TMEM74: variants seen among roughly 807,000 people sequenced by gnomAD.
TMEM74 encodes the protein transmembrane protein 74.
TMEM74 carries 13 observed loss-of-function variants against 18.1 expected under a neutral mutation model. The ratio of observed to expected loss-of-function variants is 0.72; its 90% CI spans 0.47 to 1.14. The LOEUF (loss-of-function observed/expected upper bound fraction) is 1.14. TMEM74 is among the 50% of genes most tolerant of loss of function. The probability of loss-of-function intolerance (pLI) is 0.00; values close to 1 mark genes in which losing one functional copy is unlikely to be tolerated. For missense variants in TMEM74, 372 were observed against 375.9 expected (o/e 0.99, Z 0.09); for synonymous variants, 159 against 146.6 (o/e 1.08, Z -0.61).
chr8:108,662,853 C>A (rs1229164321), intron 1 of TMEM74, among the ~76,000 whole-genome samples: 1 of 152,118 alleles, frequency 6.6e-6, no homozygotes, highest in Non-Finnish European at 1.5e-5. Flanking sequence ...TGGTGCCCTA[C>A]TTCTGTGTTC....
chr8:108,639,042 G>A (rs910625132), intron 2 of TMEM74, among the ~76,000 whole-genome samples: 2 of 152,086 alleles, frequency 1.3e-5, no homozygotes, highest in African/African-American at 4.8e-5. Flanking sequence ...ATGTGGAAAG[G>A]AGCCAAGATA....
intron 2 of TMEM74, among the ~76,000 whole-genome samples, chr8:108,640,055 C>T (rs889171480): frequency 1.1e-4 from 16 of 150,286 alleles, no homozygotes; most frequent in African/African-American, 2.4e-4. Context: ...CTGTCTCATT[C>T]GTAACCCCCT....
chr8:108,750,212 C>T (rs1455472499), intron 1 of TMEM74, among the ~76,000 whole-genome samples: 1 of 152,148 alleles, frequency 6.6e-6, no homozygotes, highest in Admixed American at 6.5e-5. Flanking sequence ...TCTGAACATT[C>T]CACAGTAAAG....
intron 1 of TMEM74, among the ~76,000 whole-genome samples, chr8:108,663,525 A>G (rs1414531639): frequency 1.3e-5 from 2 of 152,176 alleles, no homozygotes; most frequent in Non-Finnish European, 2.9e-5. Flanking sequence ...AATGTAAATT[A>G]ATTTAACCAT....
chr8:108,708,328 G>C (rs757640299), intron 1 of TMEM74, among the ~76,000 whole-genome samples: 18 of 150,422 alleles, frequency 1.2e-4, no homozygotes, highest in Non-Finnish European at 2.2e-4. Context: ...ATTGTGAATA[G>C]TGCTGCAACG....
intron 1 of TMEM74, among the ~76,000 whole-genome samples, chr8:108,715,491 A>G (rs1813514462): frequency 6.6e-6 from 1 of 152,154 alleles, no homozygotes; most frequent in African/African-American, 2.4e-5. Flanking sequence ...GAAACAGTGA[A>G]TCATCATTTA....
At chr8:108,748,752 A>C (rs1409686579) in intron 1 of TMEM74, among the ~76,000 whole-genome samples, 1 of 149,818 alleles carries the variant, frequency 6.7e-6, no homozygotes, top group East Asian at 2.0e-4. Flanking sequence ...TCTTTAATCC[A>C]TCTTGAGTTG....
At chr8:108,684,259 G>A (rs963656836) in intron 1 of TMEM74, among the ~76,000 whole-genome samples, 4 of 152,066 alleles carry the variant, frequency 2.6e-5, no homozygotes, top group Admixed American at 2.6e-4. Context: ...ATCCTTGCCA[G>A]CATTTGATAT....
At chr8:108,769,796 A>G (rs1173588234) in intron 1 of TMEM74, among the ~76,000 whole-genome samples, 1 of 152,078 alleles carries the variant, frequency 6.6e-6, no homozygotes, top group Non-Finnish European at 1.5e-5. Flanking sequence ...CAGGTGCACA[A>G]TGATCATTTT....
chr8:108,701,465 T>C (rs745881332), intron 1 of TMEM74, among the ~76,000 whole-genome samples: 11 of 152,186 alleles, frequency 7.2e-5, no homozygotes, highest in Non-Finnish European at 1.6e-4. Context: ...TGTTTACAGA[T>C]GGCATGATTG....
At chr8:108,619,096 A>C (rs1812413439) in intron 2 of TMEM74, among the ~76,000 whole-genome samples, 1 of 152,216 alleles carries the variant, frequency 6.6e-6, no homozygotes, top group African/African-American at 2.4e-5. Context: ...TTGCATAAAT[A>C]TCATCAAGCC....
At chr8:108,687,180 G>C (rs1813178616) in intron 1 of TMEM74, among the ~76,000 whole-genome samples, 1 of 151,724 alleles carries the variant, frequency 6.6e-6, no homozygotes, top group Non-Finnish European at 1.5e-5. Context: ...AAAAACTACT[G>C]ACATTAAAGA....
intron 1 of TMEM74, among the ~76,000 whole-genome samples, chr8:108,680,889 C>A (rs928120584): frequency 4.6e-5 from 7 of 152,094 alleles, no homozygotes; most frequent in Non-Finnish European, 1.0e-4. Flanking sequence ...AACAGAGAGC[C>A]AAATCATGAG....
At position 108,665,182 on chromosome 8, in the gene TMEM74, A is replaced by G. The variant is rs111621645; in HGVS notation, n.120-9745T>C. 4.6e-3 allele frequency among the ~76,000 whole-genome samples: 696 copies of G among 152,284 alleles called. 9 individuals are homozygous for G. The highest frequency in any genetic ancestry group is 0.016 in the African/African-American group (656 of 41,580). On this transcript the variant is annotated intron_variant and non_coding_transcript_variant, in intron 1 of 3. Coordinates refer to the TMEM74 transcript ENST00000518838. ...ATTTGAAATTGGCCTCTCCTACTGT[A>G]TGTGCATGTTCTGTGCCAGAAACAG...
intron 2 of TMEM74, among the ~76,000 whole-genome samples, chr8:108,643,582 A>G (rs1484964167): frequency 2.0e-5 from 3 of 152,034 alleles, no homozygotes; most frequent in Non-Finnish European, 4.4e-5. Flanking sequence ...CTCCATTTCA[A>G]AGAGTTTATG....
At chr8:108,698,435 C>G (rs1012742521) in intron 1 of TMEM74, among the ~76,000 whole-genome samples, 8 of 152,200 alleles carry the variant, frequency 5.3e-5, no homozygotes, top group Non-Finnish European at 1.2e-4. Context: ...ACAGTTTCCT[C>G]AGCTGTAGAA....
At chr8:108,724,950 TTTC>T (rs1223180641) in intron 1 of TMEM74, among the ~76,000 whole-genome samples, 4 of 152,206 alleles carry the variant, frequency 2.6e-5, no homozygotes, top group Non-Finnish European at 5.9e-5. Flanking sequence ...CACAACCTCT[TTTC>T]TTCAGCCTCT....
At position 108,781,719 on chromosome 8, in the gene TMEM74, A is replaced by G. The variant is rs759754092; in HGVS notation, c.*2462T>C. 2.6e-4 allele frequency among the ~76,000 whole-genome samples: 40 copies of G among 152,352 alleles called. No individual in the cohort carries two copies. Among genetic ancestry groups the G allele is most frequent in the East Asian group, 1.9e-3 (10 of 5,186 alleles). Reference sequence around the variant, plus strand: ...GATTTTAAATTTTAAAGGAAATTATAGCATTCTAGGGAAAAGAAAGGAAAT... The same window carrying G: ...GATTTTAAATTTTAAAGGAAATTATGGCATTCTAGGGAAAAGAAAGGAAAT... On this transcript the variant is annotated 3_prime_UTR_variant, in exon 2 of 2. Coordinates refer to ENST00000297459, the MANE Select transcript of TMEM74 (RefSeq NM_153015.3).
intron 2 of TMEM74, among the ~76,000 whole-genome samples, chr8:108,635,028 G>A (rs947907861): frequency 2.0e-5 from 3 of 151,896 alleles, no homozygotes; most frequent in African/African-American, 7.2e-5. Context: ...CTCCAGTCCC[G>A]ATTCTATAGC....
Sources: allele counts gnomAD v4.1 joint callset (sites outside exome capture counted in the v4.1 genomes callset), GRCh38; gene constraint gnomAD v4.1.1; transcripts MANE v1.5; gene names NCBI Gene and HGNC (gene_info 2026-07-23, HGNC 2026-07-21).